ZYG11A: variants seen among roughly 807,000 people sequenced by gnomAD.
The protein encoded by ZYG11A is protein zyg-11 homolog A.
ZYG11A carries 62 observed loss-of-function variants against 77.2 expected under a neutral mutation model. The ratio of observed to expected loss-of-function variants is 0.80; its 90% CI spans 0.65 to 0.99. The LOEUF is 0.99. ZYG11A is among the 50% of genes least tolerant of loss of function. The pLI is 0.00. For missense variants in ZYG11A, 828 were observed against 896.8 expected, an observed-to-expected ratio of 0.92 and a Z score of 0.98; for synonymous variants, 315 against 324.6, an observed-to-expected ratio of 0.97 and a Z score of 0.32.
chr1:52,886,897 T>A, intron 12 of ZYG11A, 59 bp from the exon 13 acceptor site: 1 of 763,226 alleles, frequency 1.3e-6, no homozygotes, highest in South Asian at 1.6e-5. Context: ...AATTATTATA[T>A]CCCTGAGCAC....
intron 10 of ZYG11A, 88 bp from the exon 11 acceptor site, chr1:52,881,383 C>A (rs990276412): frequency 2.1e-6 from 2 of 939,010 alleles, no homozygotes; most frequent in Admixed American, 5.8e-5. Flanking sequence ...ATTTATCTGA[C>A]CTGAGAAGCA....
rs1645481099 is a variant in ZYG11A at position 52,843,046 on chromosome 1, C to T, written c.90+73C>T. ...AGCTCCGGCGAGCGCGGCGAGTCTC[C>T]TGGGACGCTGCCGAGGCACTTGCTG... On this transcript the variant is annotated intron_variant, in intron 1 of 13. Transcript: ENST00000371528. 3 of 1,332,128 alleles carry T rather than the reference C, an allele frequency of 2.3e-6. 1 individual carries two copies. Among genetic ancestry groups the T allele is most frequent in the Non-Finnish European group, 3.0e-6 (3 of 996,138 alleles). The allele number at this position is 1,332,128 out of a possible 1,614,324, so 82.5% of individuals were successfully genotyped here.
chr1:52,893,587 A>C lies in ZYG11A; in HGVS notation c.*630A>C, dbSNP rs1646580307. ...CGAGATCAGCCTTGCCAACGTGGTA[A>C]AACTCCGTCTCTACCAAAAAATACA... On this transcript the variant is annotated 3_prime_UTR_variant, in exon 14 of 14. Coordinates refer to ENST00000371528, the MANE Select transcript of ZYG11A (RefSeq NM_001004339.3). The C allele has an allele frequency of 1.3e-5, 2 of 152,040 alleles. No individual in the cohort carries two copies. Among genetic ancestry groups the C allele is most frequent in the Non-Finnish European group, 2.9e-5 (2 of 68,110 alleles). 9.4% of individuals were successfully genotyped at this position (152,040 alleles called of 1,614,324 possible).
At chr1:52,886,721 TTTTTTTG>T in intron 12 of ZYG11A, among the ~76,000 whole-genome samples, 1 of 139,264 alleles carries the variant, frequency 7.2e-6, no homozygotes, top group African/African-American at 2.8e-5. Flanking sequence ...TTTTTTTTTT[TTTTTTTG>T]TAGAGACGGG....
At chr1:52,873,698 G>C (rs1455741553) in intron 8 of ZYG11A, among the ~76,000 whole-genome samples, 2 of 152,062 alleles carry the variant, frequency 1.3e-5, no homozygotes, top group Non-Finnish European at 2.9e-5. Flanking sequence ...TTTGAAAGAA[G>C]TTCTAGGCCA....
Position 52,846,308 on chromosome 1 carries a change from T to TTA in ZYG11A, c.90+3336_90+3337insAT, listed in dbSNP as rs10670232. On this transcript the variant is annotated intron_variant, in intron 1 of 13. Transcript: ENST00000371528. ...TTTTGGAAATCATGGCTTTTTAAAT[T>TTA]TTTATATATATATATATATATATAT... Among the ~76,000 whole-genome samples, 60 of 124,872 alleles carry TTA rather than the reference T, an allele frequency of 4.8e-4. 3 individuals are homozygous for TTA. The highest frequency in any genetic ancestry group is 1.7e-3 in the African/African-American group (59 of 35,562). The allele number at this position is 124,872 out of a possible 152,430, so 81.9% of individuals were successfully genotyped here.
rs567718702 is a variant in ZYG11A at position 52,851,894 on chromosome 1, C to T, written c.91-2571C>T. Among the ~76,000 whole-genome samples, 4 of 147,976 alleles carry T rather than the reference C, an allele frequency of 2.7e-5. No homozygotes were observed. In the South Asian group the frequency reaches 6.5e-4, roughly 24 times the overall value. On this transcript the variant is annotated intron_variant, in intron 1 of 13. Coordinates refer to ENST00000371528, the MANE Select transcript of ZYG11A (RefSeq NM_001004339.3). The stretch of plus-strand genomic sequence containing the variant: ...TCCTGAGTAGCTGGGATTACAGGCA[C>T]CCGCCACCATGCCTTCCTAATTTTT...
intron 11 of ZYG11A, among the ~76,000 whole-genome samples, chr1:52,883,566 A>G (rs1311709999): frequency 6.6e-6 from 1 of 150,558 alleles, no homozygotes; most frequent in Non-Finnish European, 1.5e-5. Flanking sequence ...TCGCTGGACT[A>G]CAGCTGCATG....
chr1:52,843,750 G>C (rs1419993967), intron 1 of ZYG11A, among the ~76,000 whole-genome samples: 2 of 148,612 alleles, frequency 1.3e-5, no homozygotes, highest in African/African-American at 5.0e-5. Flanking sequence ...GCAGTGGCGC[G>C]ATCTGGGCCC....
At chr1:52,874,120 A>G (rs1646219714) in intron 8 of ZYG11A, among the ~76,000 whole-genome samples, 1 of 40,912 alleles carries the variant, frequency 2.4e-5, no homozygotes, top group Non-Finnish European at 5.5e-5. Flanking sequence ...CATCTTGATC[A>G]GTCGGCCACC....
chr1:52,871,604 C>G (rs1209615924), intron 8 of ZYG11A, among the ~76,000 whole-genome samples: 3 of 151,628 alleles, frequency 2.0e-5, no homozygotes, highest in Non-Finnish European at 4.4e-5. Flanking sequence ...TCAAGCGTTT[C>G]TCCTGCCTCA....
intron 13 of ZYG11A, among the ~76,000 whole-genome samples, chr1:52,889,819 C>G (rs1162650117): frequency 6.6e-6 from 1 of 151,258 alleles, no homozygotes; most frequent in Non-Finnish European, 1.5e-5. Context: ...TCACGCCATT[C>G]TCCTGCCTCA....
In ZYG11A at chr1:52,887,056, A is replaced by G; in HGVS notation, c.2104+3A>G. On this transcript the variant is annotated splice_donor_region_variant and intron_variant, in intron 13 of 13. Transcript: ENST00000371528. Reference sequence around the variant, plus strand: ...GTATCATGTCTGCAGTAAAAATCGTATGTATTCAACATATATTCAAAACAT... The same window carrying G: ...GTATCATGTCTGCAGTAAAAATCGTGTGTATTCAACATATATTCAAAACAT... 6.8e-7 allele frequency: 1 copy of G among 1,464,906 alleles called. No individual in the cohort carries two copies. The highest frequency in any genetic ancestry group is 2.0e-5 in the Admixed American group (1 of 49,880). 90.7% of individuals were successfully genotyped at this position (1,464,906 alleles called of 1,614,324 possible).
chr1:52,857,482 A>T lies in ZYG11A; in HGVS notation c.741A>T (p.Gln247His), dbSNP rs372092054. 27 of 1,552,050 alleles carry T rather than the reference A, an allele frequency of 1.7e-5. No homozygotes were observed. Among genetic ancestry groups the T allele is most frequent in the Non-Finnish European group, 1.9e-5 (22 of 1,147,124 alleles). Residue 247 changes from glutamine to histidine, a missense_variant, in exon 3 of 14, where the codon CAA becomes CAT. By Grantham distance (24) the Gln-to-His change is conservative. Transcript: ENST00000371528. Reference sequence around the variant, plus strand: ...AATGCCTGGCCATGACCAAATCACAAATTCTTGCAGTCATTAGAGAACTTA... The same window carrying T: ...AATGCCTGGCCATGACCAAATCACATATTCTTGCAGTCATTAGAGAACTTA... ...YLKCLAMTKS[Q>H]ILAVIRELKC... is the part of the protein sequence containing the mutation.
intron 1 of ZYG11A, among the ~76,000 whole-genome samples, chr1:52,845,004 C>T (rs1311893356): frequency 1.3e-5 from 2 of 151,680 alleles, no homozygotes; most frequent in African/African-American, 4.8e-5. Context: ...CTTTGAACTC[C>T]GGCTCAAGCA....
Position 52,867,772 on chromosome 1 carries a change from G to A in ZYG11A, c.1537G>A (p.Val513Ile), listed in dbSNP as rs574301787. The change falls in exon 8 of 14, where the codon GTT becomes ATT. Residue 513 changes from valine to isoleucine, a missense_variant. By Grantham distance (29) the Val-to-Ile change is conservative. Coordinates refer to ENST00000371528, the MANE Select transcript of ZYG11A (RefSeq NM_001004339.3). ...TAQLEELFMA[V>I]KELLAIVKQK... The stretch of plus-strand genomic sequence containing the variant: ...ACAGCTTGAAGAGCTTTTCATGGCA[G>A]TTAAGGTAGGTTCCTTGTCATGTTC... The A allele has an allele frequency of 1.4e-5, 21 of 1,550,962 alleles. No individual in the cohort carries two copies. Among genetic ancestry groups the A allele is most frequent in the Non-Finnish European group, 1.8e-5 (21 of 1,146,810 alleles).
chr1:52,844,596 TTA>T (rs1269094723), intron 1 of ZYG11A, among the ~76,000 whole-genome samples: 1 of 152,176 alleles, frequency 6.6e-6, no homozygotes, highest in African/African-American at 2.4e-5. Flanking sequence ...TTATTTCCAT[TTA>T]TGTCATTTTA....
At chr1:52,888,985 A>G (rs931708964) in intron 13 of ZYG11A, among the ~76,000 whole-genome samples, 1 of 152,242 alleles carries the variant, frequency 6.6e-6, no homozygotes, top group South Asian at 2.1e-4. Context: ...CAGTTATAAC[A>G]GGAGAAACTA....
intron 8 of ZYG11A, among the ~76,000 whole-genome samples, chr1:52,875,410 C>G (rs542120954): frequency 6.6e-6 from 1 of 151,958 alleles, no homozygotes; most frequent in African/African-American, 2.4e-5. Flanking sequence ...TTTGTGCCCA[C>G]GAGAAGAGTT....
Sources: gnomAD v4.1 joint callset for allele counts (sites outside exome capture counted in the v4.1 genomes callset) on GRCh38, gnomAD v4.1.1 for gene constraint, MANE v1.5 for transcripts, NCBI Gene and HGNC (gene_info 2026-07-23, HGNC 2026-07-21) for gene names.